Variants in ZHX2 observed in about 807,000 individuals in gnomAD.
The protein encoded by ZHX2 is zinc fingers and homeoboxes 2.
ZHX2 carries 6 observed loss-of-function variants against 21.9 expected under a neutral mutation model. The observed-to-expected ratio is 0.27, with a 90% CI of 0.15 to 0.54. The LOEUF (loss-of-function observed/expected upper bound fraction) is 0.54. Among genes scored for constraint, ZHX2 ranks in the 20% least tolerant of loss-of-function variants. ZHX2 has a pLI of 0.95. For synonymous variants in ZHX2, 434 were observed against 437.1 expected, an observed-to-expected ratio of 0.99 and a Z score of 0.09; for missense variants, 908 against 1,090.7, an observed-to-expected ratio of 0.83 and a Z score of 2.36.
In ZHX2 at chr8:122,939,381, G is replaced by A. The variant is rs1812785159; in HGVS notation, c.-219-11911G>A. On this transcript the variant is annotated intron_variant, in intron 2 of 3. Coordinates refer to ENST00000314393, the MANE Select transcript of ZHX2 (RefSeq NM_014943.5). The stretch of plus-strand genomic sequence containing the variant: ...GATATAATGATGTGTAGATGGTGGT[G>A]GAATCGAGCCGTCATGAGAGATTTA... Among the ~76,000 whole-genome samples, 3 of 150,492 alleles carry A rather than the reference G, an allele frequency of 2.0e-5. No homozygotes were observed. The South Asian group carries it at 6.3e-4, about 32-fold the overall frequency.
Position 122,915,923 on chromosome 8 carries a change from C to T in ZHX2, c.-219-35369C>T, listed in dbSNP as rs551427398. Among the ~76,000 whole-genome samples, 33 of 152,292 alleles carry T rather than the reference C, an allele frequency of 2.2e-4. No individual in the cohort carries two copies. In the South Asian group the frequency reaches 4.3e-3, roughly 20 times the overall value. On this transcript the variant is annotated intron_variant, in intron 2 of 3. Transcript: ENST00000314393. Reference sequence around the variant, plus strand: ...TTAGCTCTCCAGCTCTTCCTAAAGGCGCATTCCAGGCCCAGGGCTTTGGTG... The same window carrying T: ...TTAGCTCTCCAGCTCTTCCTAAAGGTGCATTCCAGGCCCAGGGCTTTGGTG...
At chr8:122,854,678 T>C (rs1179133194) in intron 1 of ZHX2, among the ~76,000 whole-genome samples, 1 of 152,162 alleles carries the variant, frequency 6.6e-6, no homozygotes, top group Non-Finnish European at 1.5e-5. Flanking sequence ...GAACTCACTG[T>C]CATTAAGCAG....
chr8:122,943,177 G>C (rs1240656423), intron 2 of ZHX2, among the ~76,000 whole-genome samples: 1 of 152,108 alleles, frequency 6.6e-6, no homozygotes, highest in African/African-American at 2.4e-5. Context: ...CAGGAGAATC[G>C]TTTGAGCCCG....
At position 122,930,705 on chromosome 8, in the gene ZHX2, G is replaced by A. The variant is rs193090274; in HGVS notation, c.-219-20587G>A. Reference sequence around the variant, plus strand: ...GGGTTTCACCATGTTGGCCAGGTTGGCCTCGAACTCCTGACCTCAGGTGAT... The same window carrying A: ...GGGTTTCACCATGTTGGCCAGGTTGACCTCGAACTCCTGACCTCAGGTGAT... On this transcript the variant is annotated intron_variant, in intron 2 of 3. Coordinates refer to ENST00000314393, the MANE Select transcript of ZHX2 (RefSeq NM_014943.5). Among the ~76,000 whole-genome samples, 239 of 151,536 alleles carry A rather than the reference G, an allele frequency of 1.6e-3. 3 individuals are homozygous for A. Among genetic ancestry groups the A allele is most frequent in the East Asian group, 3.1e-3 (16 of 5,142 alleles).
At chr8:122,831,506 T>C (rs1818374661) in intron 1 of ZHX2, among the ~76,000 whole-genome samples, 1 of 152,162 alleles carries the variant, frequency 6.6e-6, no homozygotes, top group Non-Finnish European at 1.5e-5. Flanking sequence ...CCATGGTCCT[T>C]GCTTTTGAAG....
chr8:122,847,694 G>A (rs753671700), intron 1 of ZHX2, among the ~76,000 whole-genome samples: 1 of 152,216 alleles, frequency 6.6e-6, no homozygotes, highest in Non-Finnish European at 1.5e-5. Flanking sequence ...TGGGGAACAT[G>A]CCCTTTATTC....
At chr8:122,811,700 A>AG (rs768184656) in intron 1 of ZHX2, among the ~76,000 whole-genome samples, 3 of 152,192 alleles carry the variant, frequency 2.0e-5, no homozygotes, top group African/African-American at 4.8e-5. Context: ...GTCCACTTTC[A>AG]GGGGGGAAGA....
rs138450443 is a variant in ZHX2, at chr8:122,953,192, G to A, written c.1682G>A (p.Arg561Gln). The A allele has an allele frequency of 3.1e-4, 497 of 1,613,710 alleles. No homozygotes were observed. The highest frequency in any genetic ancestry group is 5.5e-4 in the Admixed American group (33 of 60,002). Residue 561 changes from arginine to glutamine, a missense_variant, in exon 3 of 4, where the codon CGG (arginine) becomes CAG (glutamine). Physicochemically the swap from Arg to Gln is conservative, Grantham distance 43. Transcript: ENST00000314393. The surrounding 1 kb of genome is among the most constrained non-coding windows in gnomAD (Gnocchi z 4.6). ...TTTCCTACCCAAGCAGAACTGGATC[G>A]GCTAAGGGTGGAGACCAAGCTGAGC... ...SSFPTQAELD[R>Q]LRVETKLSRR...
intron 1 of ZHX2, among the ~76,000 whole-genome samples, chr8:122,833,451 A>G (rs779598139): frequency 1.3e-5 from 2 of 152,036 alleles, no homozygotes; most frequent in African/African-American, 2.4e-5. Flanking sequence ...AGTAATGCGG[A>G]CGGGGGTGTG....
At chr8:122,958,146 T>C (rs1428707932) in intron 3 of ZHX2, among the ~76,000 whole-genome samples, 1 of 152,210 alleles carries the variant, frequency 6.6e-6, no homozygotes, top group East Asian at 1.9e-4. Context: ...AGATTTCCTC[T>C]GTAGGCGTTA....
At chr8:122,823,301 G>A (rs955118046) in intron 1 of ZHX2, among the ~76,000 whole-genome samples, 1 of 152,202 alleles carries the variant, frequency 6.6e-6, no homozygotes, top group African/African-American at 2.4e-5. Context: ...CTTATACTCA[G>A]CTCTCTCTGA....
At position 122,952,781 on chromosome 8, in the gene ZHX2, C is replaced by T; in HGVS notation, c.1271C>T (p.Ala424Val). ...AAPEPKRPHI[A>V]QVPEPPPKVA... ...CCCGAACCCAAGCGTCCACACATCG[C>T]TCAGGTGCCAGAGCCCCCACCCAAG... The change falls in exon 3 of 4, where the codon GCT (alanine) becomes GTT (valine). Residue 424 changes from alanine (A) to valine (V), a missense_variant. Ala to Val is a moderately conservative substitution (Grantham distance 64). Coordinates refer to ENST00000314393, the MANE Select transcript of ZHX2 (RefSeq NM_014943.5). The surrounding 1 kb of genome is among the most constrained non-coding windows in gnomAD (Gnocchi z 6.9). 1 of 1,614,140 alleles carries T rather than the reference C, an allele frequency of 6.2e-7. No individual in the cohort carries two copies. The highest frequency in any genetic ancestry group is 8.5e-7 in the Non-Finnish European group (1 of 1,180,018).
At chr8:122,847,222 C>T (rs1818771466) in intron 1 of ZHX2, among the ~76,000 whole-genome samples, 1 of 152,160 alleles carries the variant, frequency 6.6e-6, no homozygotes, top group African/African-American at 2.4e-5. Flanking sequence ...TTCTTCCGTC[C>T]TCTGTGTGAG....
chr8:122,860,647 A>G (rs1416240075), intron 1 of ZHX2, among the ~76,000 whole-genome samples: 1 of 152,206 alleles, frequency 6.6e-6, no homozygotes, highest in Non-Finnish European at 1.5e-5. Context: ...GCAAGTGGCT[A>G]GAGAAAGTTT....
At chr8:122,942,826 A>C (rs1050231355) in intron 2 of ZHX2, among the ~76,000 whole-genome samples, 1 of 151,830 alleles carries the variant, frequency 6.6e-6, no homozygotes, top group Non-Finnish European at 1.5e-5. Context: ...AAATGCCACC[A>C]CCTGTCTCTG....
chr8:122,955,074 G>GGGA (rs1813261653), intron 3 of ZHX2, among the ~76,000 whole-genome samples: 1 of 134,982 alleles, frequency 7.4e-6, no homozygotes, highest in East Asian at 2.0e-4. Flanking sequence ...TAAGCCGGGG[G>GGGA]GGGGGGGGTG....
intron 1 of ZHX2, among the ~76,000 whole-genome samples, chr8:122,812,964 G>T (rs1817960045): frequency 6.6e-6 from 1 of 152,188 alleles, no homozygotes; most frequent in African/African-American, 2.4e-5. Flanking sequence ...GGGAGGCCAA[G>T]GCAGGCGGTT....
chr8:122,965,023 T>A (rs1163656701), intron 3 of ZHX2, among the ~76,000 whole-genome samples: 3 of 147,180 alleles, frequency 2.0e-5, no homozygotes, highest in Admixed American at 6.8e-5. Flanking sequence ...ATTTGGATCT[T>A]CTCTCTTCTG....
At chr8:122,918,551 C>T (rs1820660046) in intron 2 of ZHX2, among the ~76,000 whole-genome samples, 1 of 152,190 alleles carries the variant, frequency 6.6e-6, no homozygotes, top group East Asian at 1.9e-4. Flanking sequence ...GACTTCTTGG[C>T]CAAGACATAT....
Sources: gnomAD v4.1 joint callset for allele counts (sites outside exome capture counted in the v4.1 genomes callset) on GRCh38, gnomAD v4.1.1 for gene constraint, Gnocchi (gnomAD v3.1) non-coding constraint, MANE v1.5 for transcripts, NCBI Gene and HGNC (gene_info 2026-07-23, HGNC 2026-07-21) for gene names.